Variants in C12orf54 observed in about 807,000 individuals in gnomAD.
C12orf54 encodes chromosome 12 open reading frame 54.
C12orf54 carries 24 observed loss-of-function variants against 26.4 expected under a neutral mutation model. The ratio of observed to expected loss-of-function variants is 0.91; its 90% confidence interval spans 0.66 to 1.28. C12orf54 has a LOEUF of 1.28. Ranked by LOEUF, C12orf54 falls within the 50% of genes most tolerant of loss-of-function variation. The probability of loss-of-function intolerance (pLI) is 0.00; values close to 1 mark genes in which losing one functional copy is unlikely to be tolerated. For synonymous variants in C12orf54, 54 were observed against 47.0 expected, an observed-to-expected ratio of 1.15 and a Z score of -0.61; for missense variants, 154 against 150.9, an observed-to-expected ratio of 1.02 and a Z score of -0.11.
chr12:48,489,220 A>G (rs1937729331), intron 5 of C12orf54: 1 of 641,686 alleles, frequency 1.6e-6, no homozygotes, highest in East Asian at 3.1e-5. Context: ...AGAATACTCT[A>G]TGTGGTTGTA....
chr12:48,471,589 T>C, the C12orf54 span, among the ~76,000 whole-genome samples: 1 of 152,226 alleles, frequency 6.6e-6, no homozygotes, highest in South Asian at 2.1e-4. Context: ...GCACCATTTA[T>C]TGAAAAGAAA....
At chr12:48,494,552 G>A (rs1937868478) in intron 7 of C12orf54, among the ~76,000 whole-genome samples, 1 of 152,116 alleles carries the variant, frequency 6.6e-6, no homozygotes, top group Non-Finnish European at 1.5e-5. Context: ...TCAAGCAAGA[G>A]GAATTTTCCT....
the C12orf54 span, among the ~76,000 whole-genome samples, chr12:48,458,017 G>T: frequency 6.6e-6 from 1 of 152,204 alleles, no homozygotes; most frequent in Non-Finnish European, 1.5e-5. Flanking sequence ...TCTGAGCCCA[G>T]GAACAATTGC....
intron 6 of C12orf54, among the ~76,000 whole-genome samples, chr12:48,491,689 C>T (rs1282847499): frequency 1.3e-5 from 2 of 152,044 alleles, no homozygotes; most frequent in Non-Finnish European, 2.9e-5. Flanking sequence ...TTTTCAAATG[C>T]CCAGATGCTA....
chr12:48,432,254 C>G, the C12orf54 span, among the ~76,000 whole-genome samples: 3 of 152,018 alleles, frequency 2.0e-5, no homozygotes, highest in Admixed American at 2.0e-4. Flanking sequence ...TTATTGCATG[C>G]CTATTGTGTG....
the C12orf54 span, among the ~76,000 whole-genome samples, chr12:48,434,673 A>G: frequency 6.6e-6 from 1 of 152,236 alleles, no homozygotes; most frequent in Admixed American, 6.5e-5. Context: ...AACCTCCAGG[A>G]AACTCCAACA....
intron 2 of C12orf54, 89 bp from the exon 3 acceptor site, chr12:48,486,089 C>A: frequency 1.6e-6 from 2 of 1,280,624 alleles, no homozygotes; most frequent in South Asian, 2.5e-5. Context: ...TTCAAGAATT[C>A]CTGCTAGGAG....
At chr12:48,468,896 G>A in the C12orf54 span, among the ~76,000 whole-genome samples, 1 of 152,082 alleles carries the variant, frequency 6.6e-6, no homozygotes, top group South Asian at 2.1e-4. Flanking sequence ...GTCTCCGGGG[G>A]TGACATCACA....
chr12:48,447,311 C>T, the C12orf54 span, among the ~76,000 whole-genome samples: 1 of 151,058 alleles, frequency 6.6e-6, no homozygotes, highest in African/African-American at 2.4e-5. Flanking sequence ...AGTGGCTATA[C>T]CTTGATCTTG....
the C12orf54 span, among the ~76,000 whole-genome samples, chr12:48,460,956 G>C: frequency 6.6e-6 from 1 of 152,006 alleles, no homozygotes; most frequent in African/African-American, 2.4e-5. Context: ...ATCTCAATTA[G>C]AGGACAGAGA....
the C12orf54 span, chr12:48,472,937 A>G: frequency 6.2e-7 from 1 of 1,614,208 alleles, no homozygotes; most frequent in Non-Finnish European, 8.5e-7. Context: ...CAAACCTCAT[A>G]CATCTAAATT....
the C12orf54 span, among the ~76,000 whole-genome samples, chr12:48,418,016 G>T: frequency 0.34 from 50,971 of 152,000 alleles, 10,606 homozygotes; most frequent in Middle Eastern, 0.5. Flanking sequence ...CCATGTCTTT[G>T]CTAGAAAAAA....
the C12orf54 span, among the ~76,000 whole-genome samples, chr12:48,419,331 C>G: frequency 6.6e-6 from 1 of 152,104 alleles, no homozygotes; most frequent in Non-Finnish European, 1.5e-5. Context: ...GGGTTTTAAG[C>G]CTTTCTTATC....
the C12orf54 span, among the ~76,000 whole-genome samples, chr12:48,463,984 T>G: frequency 6.6e-6 from 1 of 152,046 alleles, no homozygotes; most frequent in Non-Finnish European, 1.5e-5. Flanking sequence ...TCATACTGAA[T>G]AGCCAAAAGC....
chr12:48,461,195 A>T, the C12orf54 span, among the ~76,000 whole-genome samples: 1 of 152,022 alleles, frequency 6.6e-6, no homozygotes, highest in Non-Finnish European at 1.5e-5. Context: ...TCATAATGAT[A>T]AAAGGGTCAA....
At chr12:48,457,693 C>A in the C12orf54 span, among the ~76,000 whole-genome samples, 1 of 152,240 alleles carries the variant, frequency 6.6e-6, no homozygotes, top group South Asian at 2.1e-4. Flanking sequence ...GGGAAGTCAG[C>A]TTCGGCTTCG....
At chr12:48,459,988 A>G in the C12orf54 span, among the ~76,000 whole-genome samples, 1 of 152,074 alleles carries the variant, frequency 6.6e-6, no homozygotes, top group African/African-American at 2.4e-5. Context: ...AGAGGCATTC[A>G]CCATAAAGAT....
chr12:48,485,405 C>T (rs1325148645), intron 2 of C12orf54, among the ~76,000 whole-genome samples: 1 of 152,112 alleles, frequency 6.6e-6, no homozygotes, highest in East Asian at 1.9e-4. Flanking sequence ...CCCCAGACTC[C>T]CTGTGACTAC....
At chr12:48,434,663 A>C in the C12orf54 span, among the ~76,000 whole-genome samples, 1 of 152,194 alleles carries the variant, frequency 6.6e-6, no homozygotes, top group Non-Finnish European at 1.5e-5. Context: ...GTCTGGAGTG[A>C]ACCTCCAGGA....
Sources: allele counts gnomAD v4.1 joint callset (sites outside exome capture counted in the v4.1 genomes callset), GRCh38; gene constraint gnomAD v4.1.1; transcripts MANE v1.5; gene names NCBI Gene and HGNC (gene_info 2026-07-23, HGNC 2026-07-21).